Variants in LRCOL1 observed in about 807,000 individuals in gnomAD.
LRCOL1 encodes leucine rich colipase like 1, also known as leucine-rich colipase-like protein 1.
In LRCOL1, 21 loss-of-function variants were observed where a neutral mutation model predicts 21.6. The ratio of observed to expected loss-of-function variants is 0.97; its 90% CI spans 0.69 to 1.40. The LOEUF is 1.40. Among genes scored for constraint, LRCOL1 ranks in the 40% most tolerant of loss-of-function variants. The pLI is 0.00. For missense variants in LRCOL1, 198 were observed against 202.3 expected, an observed-to-expected ratio of 0.98 and a Z score of 0.13; for synonymous variants, 98 against 90.1, an observed-to-expected ratio of 1.09 and a Z score of -0.49.
rs1019441353 is a variant in LRCOL1, at chr12:132,604,171, C to T, written c.477+83G>A. The T allele has an allele frequency of 1.2e-5, 18 of 1,466,768 alleles. No individual in the cohort carries two copies. In the Admixed American group the frequency reaches 2.8e-4, roughly 23 times the overall value. 90.9% of individuals were successfully genotyped at this position (1,466,768 alleles called of 1,614,324 possible). On this transcript the variant is annotated intron_variant, in intron 5 of 5. Coordinates refer to ENST00000376608, the MANE Select transcript of LRCOL1 (RefSeq NM_001195520.2). Reference sequence around the variant, plus strand: ...AGCCCACCTCTCACAGCCGCGGTCCCGGTCCAGTTGCTGTGTTTCTGTGCG... The same window carrying T: ...AGCCCACCTCTCACAGCCGCGGTCCTGGTCCAGTTGCTGTGTTTCTGTGCG...
At chr12:132,608,084 A>G (rs1470293347) in intron 1 of LRCOL1, among the ~76,000 whole-genome samples, 1 of 151,820 alleles carries the variant, frequency 6.6e-6, no homozygotes, top group Non-Finnish European at 1.5e-5. Context: ...TCCTCATGTT[A>G]TCTCGCGTGC....
At position 132,604,243 on chromosome 12, in the gene LRCOL1, C is replaced by T. The variant is rs781309121; in HGVS notation, c.477+11G>A. 7 of 1,528,492 alleles carry T rather than the reference C, an allele frequency of 4.6e-6. No individual in the cohort carries two copies. The highest frequency in any genetic ancestry group is 6.1e-6 in the Non-Finnish European group (7 of 1,143,160). 94.7% of individuals were successfully genotyped at this position (1,528,492 alleles called of 1,614,324 possible). A position where few individuals can be genotyped will look rare whatever the true frequency, so the allele number is the denominator to read the frequency against. The stretch of plus-strand genomic sequence containing the variant: ...GAGGGCCTGGAGGCTGAGCCCCCGC[C>T]CGGGACTTACCAGGGGCAGGCACTG... On this transcript the variant is annotated intron_variant, in intron 5 of 5. Transcript: ENST00000376608.
chr12:132,609,432 C>T (rs1047199602), intron 1 of LRCOL1, among the ~76,000 whole-genome samples: 13 of 152,238 alleles, frequency 8.5e-5, no homozygotes, highest in African/African-American at 3.1e-4. Context: ...CATGGGGTGG[C>T]TCACGCCTGT....
At chr12:132,607,849 GTC>G (rs1432100405) in intron 1 of LRCOL1, among the ~76,000 whole-genome samples, 1 of 117,106 alleles carries the variant, frequency 8.5e-6, no homozygotes, top group East Asian at 2.4e-4. Context: ...TTCTGTCTCT[GTC>G]TCTCTCTGCC....
chr12:132,603,496 C>T (rs2041253223), intron 5 of LRCOL1, 92 bp from the exon 6 acceptor site: 1 of 1,534,866 alleles, frequency 6.5e-7, no homozygotes. Context: ...CACAGCATCT[C>T]CCGGCACCAG....
At chr12:132,605,925 C>T (rs994795079) in intron 2 of LRCOL1, 1 of 570,096 alleles carries the variant, frequency 1.8e-6, no homozygotes, top group Non-Finnish European at 3.1e-6. Flanking sequence ...GTCCCATAGC[C>T]TCAAGTGTGC....
chr12:132,606,135 C>A lies in LRCOL1; in HGVS notation c.105+12G>T. On this transcript the variant is annotated intron_variant, in intron 2 of 5. Transcript: ENST00000376608. This position sits in a 1 kb window ranked among gnomAD's most constrained non-coding sequence, Gnocchi z 4.6. ...GGGGCCTGCAGGGGCATCAGGGGTG[C>A]CCGGCACCCACCTTATGGGACAGGT... 6.5e-7 allele frequency: 1 copy of A among 1,535,968 alleles called. No homozygotes were observed.
In LRCOL1 at chr12:132,607,659, CTCTG is replaced by C. The variant is rs776157487; in HGVS notation, c.-13-1399_-13-1396del. On this transcript the variant is annotated intron_variant, in intron 1 of 5. Coordinates refer to ENST00000376608, the MANE Select transcript of LRCOL1 (RefSeq NM_001195520.2). ...TCTCCCTCTCTCTGTCTCTTTCTGT[CTCTG>C]TCTCTTTCTGTCTCTGTCTCTCTCT... is the stretch of plus-strand genomic sequence containing the variant. Among the ~76,000 whole-genome samples, 81 of 151,906 alleles carry C rather than the reference CTCTG, an allele frequency of 5.3e-4. 1 individual carries two copies. The highest frequency in any genetic ancestry group is 1.2e-4 in the Non-Finnish European group (8 of 67,982).
At position 132,603,373 on chromosome 12, in the gene LRCOL1, G is replaced by C; in HGVS notation, c.*29C>G. On this transcript the variant is annotated 3_prime_UTR_variant, in exon 6 of 6. Transcript: ENST00000376608. ...GCGTGAACATCCCAGGGCCCAGGCCGGTCCCTCGCGCCCAGGTTCGAGCTC... is the reference window on the plus strand; with the variant it reads ...GCGTGAACATCCCAGGGCCCAGGCCCGTCCCTCGCGCCCAGGTTCGAGCTC... The C allele has an allele frequency of 2.6e-6, 4 of 1,536,150 alleles. No individual in the cohort carries two copies. Among genetic ancestry groups the C allele is most frequent in the Non-Finnish European group, 3.5e-6 (4 of 1,146,880 alleles).
Position 132,606,033 on chromosome 12 carries a change from G to T in LRCOL1, c.105+114C>A. ...CTTTGTGTCCCTTTGAGACCCTCCT[G>T]ACGGAAAGTGGCAGCCCTCGCGGGT... On this transcript the variant is annotated intron_variant, in intron 2 of 5. Transcript: ENST00000376608. The surrounding 1 kb of genome is among the most constrained non-coding windows in gnomAD (Gnocchi z 4.6). 2.1e-6 allele frequency: 2 copies of T among 952,432 alleles called. No individual in the cohort carries two copies. The highest frequency in any genetic ancestry group is 1.6e-5 in the South Asian group (1 of 64,212). The allele number at this position is 952,432 out of a possible 1,614,324, so 59.0% of individuals were successfully genotyped here. A position where few individuals can be genotyped will look rare whatever the true frequency, so the allele number is the denominator to read the frequency against.
chr12:132,607,622 T>C (rs932683834), intron 1 of LRCOL1, among the ~76,000 whole-genome samples: 4 of 151,986 alleles, frequency 2.6e-5, no homozygotes, highest in African/African-American at 9.7e-5. Flanking sequence ...TGTCTCTCTG[T>C]CTCTCCCTCT....
rs2041305502 is a variant in LRCOL1, at chr12:132,606,100, T to C, written c.105+47A>G. 2.0e-6 allele frequency: 3 copies of C among 1,520,004 alleles called. No individual in the cohort carries two copies. Among genetic ancestry groups the C allele is most frequent in the Non-Finnish European group, 2.6e-6 (3 of 1,132,794 alleles). 94.2% of individuals were successfully genotyped at this position (1,520,004 alleles called of 1,614,324 possible). On this transcript the variant is annotated intron_variant, in intron 2 of 5. Transcript: ENST00000376608. This position sits in a 1 kb window ranked among gnomAD's most constrained non-coding sequence, Gnocchi z 4.6. ...TCAGGGGCGCCCGGCACCCACCTTA[T>C]GGCGCGTGTGGGGCCTGCAGGGGCA...
intron 2 of LRCOL1, 124 bp from the exon 3 acceptor site, chr12:132,604,955 G>A: frequency 6.9e-7 from 1 of 1,459,456 alleles, no homozygotes; most frequent in South Asian, 1.4e-5. Flanking sequence ...TGGGTTTCCT[G>A]AGAAGTTTCT....
chr12:132,604,231 C>T (rs1258316062), intron 5 of LRCOL1, 23 bp downstream of exon 5: 2 of 1,518,318 alleles, frequency 1.3e-6, no homozygotes, highest in African/African-American at 2.7e-5. Flanking sequence ...GGCCTGGAGG[C>T]TGAGCCCCCG....
chr12:132,603,993 CT>C (rs1011182955), intron 5 of LRCOL1: 14 of 1,336,702 alleles, frequency 1.0e-5, no homozygotes, highest in Middle Eastern at 5.6e-4. Flanking sequence ...CTCCCCGCGG[CT>C]CCGCAGGCTC....
Position 132,603,197 on chromosome 12 carries a change from C to T in LRCOL1, c.*205G>A, listed in dbSNP as rs939216902. The T allele has an allele frequency of 2.5e-5, 17 of 686,142 alleles. No individual in the cohort carries two copies. The African/African-American group carries it at 2.7e-4, about 11-fold the overall frequency. The allele number at this position is 686,142 out of a possible 1,614,324, so 42.5% of individuals were successfully genotyped here. On this transcript the variant is annotated 3_prime_UTR_variant, in exon 6 of 6. Transcript: ENST00000376608. ...TTGATGTTTAACAATCAGGCTACAC[C>T]CCAGTGCCTGGGATTTGTTCTCACA...
In LRCOL1 at chr12:132,604,386, C is replaced by T; in HGVS notation, c.355-10G>A. ...AGAAGTCGCCGTTGGGCTGGGGAGG[C>T]AGCCAGGCAGCAGTCGTGGAGAGGG... On this transcript the variant is annotated splice_polypyrimidine_tract_variant and intron_variant, in intron 4 of 5. Transcript: ENST00000376608. The T allele has an allele frequency of 6.5e-7, 1 of 1,534,890 alleles. No homozygotes were observed. The highest frequency in any genetic ancestry group is 8.7e-7 in the Non-Finnish European group (1 of 1,146,194).
intron 2 of LRCOL1, 100 bp from the exon 3 acceptor site, chr12:132,604,931 C>T (rs2041284823): frequency 1.4e-6 from 2 of 1,470,026 alleles, no homozygotes; most frequent in Non-Finnish European, 1.8e-6. Flanking sequence ...CCCTGTGTCA[C>T]CATCCTTCAA....
At chr12:132,605,236 G>A (rs909510038) in intron 2 of LRCOL1, 6 of 618,478 alleles carry the variant, frequency 9.7e-6, no homozygotes, top group Non-Finnish European at 1.0e-5. Flanking sequence ...CCTGCACCAC[G>A]GCTTGTAGCC....
Sources: gnomAD v4.1 joint callset for allele counts (sites outside exome capture counted in the v4.1 genomes callset) on GRCh38, gnomAD v4.1.1 for gene constraint, Gnocchi (gnomAD v3.1) non-coding constraint, MANE v1.5 for transcripts, NCBI Gene and HGNC (gene_info 2026-07-23, HGNC 2026-07-21) for gene names.